The following ITGB8 variants were observed in gnomAD, a reference collection of about 807,000 sequenced individuals.
ITGB8 encodes the protein integrin subunit beta 8.
A neutral mutation model predicts 89.5 loss-of-function variants in ITGB8; 30 were observed. The ratio of observed to expected loss-of-function variants is 0.34; its 90% CI spans 0.25 to 0.45. The LOEUF (loss-of-function observed/expected upper bound fraction) is 0.45, where lower values mean the gene tolerates loss of function less well. Among genes scored for constraint, ITGB8 ranks in the 20% least tolerant of loss-of-function variants. The probability of loss-of-function intolerance (pLI) is 1.00; values close to 1 mark genes in which losing one functional copy is unlikely to be tolerated. For missense variants in ITGB8, 836 were observed against 933.3 expected, an observed-to-expected ratio of 0.90 and a Z score of 1.36; for synonymous variants, 335 against 320.4, an observed-to-expected ratio of 1.05 and a Z score of -0.49.
intron 1 of ITGB8, among the ~76,000 whole-genome samples, chr7:20,357,042 A>G (rs1312090348): frequency 6.6e-6 from 1 of 152,170 alleles, no homozygotes; most frequent in Non-Finnish European, 1.5e-5. Context: ...CCTGTTGATG[A>G]TGGATATTTA....
chr7:20,381,920 C>G, intron 6 of ITGB8, 35 bp downstream of exon 6: 2 of 1,552,190 alleles, frequency 1.3e-6, no homozygotes, highest in South Asian at 2.4e-5. Flanking sequence ...AGATATGACT[C>G]TTTTGGTTAA....
In ITGB8 at chr7:20,358,864, A is replaced by G. The variant is rs150373038; in HGVS notation, c.128-4773A>G. On this transcript the variant is annotated intron_variant, in intron 1 of 13. Coordinates refer to ENST00000222573, the MANE Select transcript of ITGB8 (RefSeq NM_002214.3). Reference sequence around the variant, plus strand: ...TTTTTCAACCCTTGCTCCCCTCCCTACTTTCACCCTCTAGTAGTTGTCAGT... The same window carrying G: ...TTTTTCAACCCTTGCTCCCCTCCCTGCTTTCACCCTCTAGTAGTTGTCAGT... 9.0e-3 allele frequency among the ~76,000 whole-genome samples: 1,373 copies of G among 152,110 alleles called. 20 individuals carry two copies. Among genetic ancestry groups the G allele is most frequent in the African/African-American group, 0.031 (1,289 of 41,488 alleles).
At chr7:20,345,512 T>C (rs1311584971) in intron 1 of ITGB8, among the ~76,000 whole-genome samples, 1 of 151,950 alleles carries the variant, frequency 6.6e-6, no homozygotes, top group Non-Finnish European at 1.5e-5. Context: ...TTAGATGGGG[T>C]AAGCCTCATG....
chr7:20,333,679 G>C (rs1227954404), intron 1 of ITGB8, among the ~76,000 whole-genome samples: 2 of 152,172 alleles, frequency 1.3e-5, no homozygotes, highest in Non-Finnish European at 2.9e-5. Context: ...GAAATATTAT[G>C]AATGGGCCTA....
chr7:20,336,000 C>CTTTTTTTTTTTTTTT (rs201113693), intron 1 of ITGB8, among the ~76,000 whole-genome samples: 1 of 96,400 alleles, frequency 1.0e-5, no homozygotes, highest in Admixed American at 1.5e-4. Flanking sequence ...TCTTGGTTTT[C>CTTTTTTTTTTTTTTT]TTTTTTTTTT....
chr7:20,329,880 T>C (rs1299131376), upstream of ITGB8: 2 of 152,138 alleles, frequency 1.3e-5, no homozygotes, highest in Non-Finnish European at 2.9e-5. Context: ...AGCGTGGTAA[T>C]GACAGGACCC....
chr7:20,344,960 G>C (rs1382111615), intron 1 of ITGB8, among the ~76,000 whole-genome samples: 1 of 152,176 alleles, frequency 6.6e-6, no homozygotes, highest in African/African-American at 2.4e-5. Flanking sequence ...CTAATGGAGA[G>C]AGACAAGACA....
At chr7:20,371,865 C>G (rs1276751465) in intron 3 of ITGB8, among the ~76,000 whole-genome samples, 1 of 152,176 alleles carries the variant, frequency 6.6e-6, no homozygotes, top group East Asian at 1.9e-4. Flanking sequence ...ATTATTCACA[C>G]AAAAAATTCG....
At chr7:20,333,162 T>A (rs779631469) in intron 1 of ITGB8, among the ~76,000 whole-genome samples, 1 of 152,208 alleles carries the variant, frequency 6.6e-6, no homozygotes, top group Non-Finnish European at 1.5e-5. Flanking sequence ...TAGAGATATA[T>A]GGAAACATCC....
intron 1 of ITGB8, chr7:20,353,403 T>C (rs1785175866): frequency 6.6e-6 from 1 of 152,174 alleles, no homozygotes; most frequent in African/African-American, 2.4e-5. Context: ...TAACTGGCAT[T>C]ACAAGAAAAT....
At chr7:20,346,810 C>T (rs1171359686) in intron 1 of ITGB8, 3 of 985,212 alleles carry the variant, frequency 3.0e-6, no homozygotes, top group Non-Finnish European at 3.6e-6. Flanking sequence ...TGTACATTGA[C>T]CATGACATAG....
intron 1 of ITGB8, among the ~76,000 whole-genome samples, chr7:20,342,142 T>C (rs758410492): frequency 2.0e-5 from 3 of 152,184 alleles, no homozygotes; most frequent in Non-Finnish European, 2.9e-5. Flanking sequence ...AACTAGATGC[T>C]TCTAGCATGA....
chr7:20,340,653 T>C (rs1372298403), intron 1 of ITGB8, among the ~76,000 whole-genome samples: 1 of 152,100 alleles, frequency 6.6e-6, no homozygotes, highest in African/African-American at 2.4e-5. Flanking sequence ...TCCTTGGAAT[T>C]GAACCACAAA....
chr7:20,380,663 C>A lies in ITGB8; in HGVS notation c.636-3C>A. ...ACTTTACACTTCTTCTTTTCCCACA[C>A]AGTGACTACAATTTAGACTGCATGC... On this transcript the variant is annotated splice_region_variant and splice_polypyrimidine_tract_variant and intron_variant, in intron 4 of 13. Transcript: ENST00000222573. 1 of 1,611,264 alleles carries A rather than the reference C, an allele frequency of 6.2e-7. No homozygotes were observed. The highest frequency in any genetic ancestry group is 1.7e-5 in the Admixed American group (1 of 59,882).
Position 20,331,649 on chromosome 7 carries a change from C to A in ITGB8, c.-158C>A. On this transcript the variant is annotated 5_prime_UTR_variant, in exon 1 of 14. Transcript: ENST00000222573. Reference sequence around the variant, plus strand: ...GCCGAGCGGTGCCCGGGCCCGCTTACCTGCACCGCTTGCTCCGAGCCGCGG... The same window carrying A: ...GCCGAGCGGTGCCCGGGCCCGCTTAACTGCACCGCTTGCTCCGAGCCGCGG... 1 of 862,802 alleles carries A rather than the reference C, an allele frequency of 1.2e-6. No individual in the cohort carries two copies. The highest frequency in any genetic ancestry group is 1.7e-6 in the Non-Finnish European group (1 of 601,988). The allele number at this position is 862,802 out of a possible 1,614,324, so 53.4% of individuals were successfully genotyped here.
rs1787857518 is a variant in ITGB8, at chr7:20,414,145, C to T, written c.*4148C>T. On this transcript the variant is annotated 3_prime_UTR_variant, in exon 14 of 14. Transcript: ENST00000222573. ...AAATTATGCTTGAATAAATATTACA[C>T]TAATCCAACTTTACCTAAATGTTTA... 1 of 152,126 alleles carries T rather than the reference C, an allele frequency of 6.6e-6. No individual in the cohort carries two copies. Among genetic ancestry groups the T allele is most frequent in the Non-Finnish European group, 1.5e-5 (1 of 67,970 alleles). 9.4% of individuals were successfully genotyped at this position (152,126 alleles called of 1,614,324 possible).
Position 20,415,112 on chromosome 7 carries a change from G to A in ITGB8, c.*5115G>A, listed in dbSNP as rs150010971. 3.9e-4 allele frequency: 60 copies of A among 152,574 alleles called. No homozygotes were observed. Among genetic ancestry groups the A allele is most frequent in the African/African-American group, 1.4e-3 (58 of 41,534 alleles). 9.5% of individuals were successfully genotyped at this position (152,574 alleles called of 1,614,324 possible). ...TGATAAGAAGTCTACGCAATGACAA[G>A]TATGGTACATAAATTTTATTAAGAA... On this transcript the variant is annotated 3_prime_UTR_variant, in exon 14 of 14. Coordinates refer to ENST00000222573, the MANE Select transcript of ITGB8 (RefSeq NM_002214.3).
rs113245073 is a variant in ITGB8 at position 20,366,963 on chromosome 7, G to A, written c.214-49G>A. 4.2e-4 allele frequency: 537 copies of A among 1,287,112 alleles called. 8 individuals carry two copies. In the African/African-American group the frequency reaches 4.6e-3, roughly 11 times the overall value. The allele number at this position is 1,287,112 out of a possible 1,614,324, so 79.7% of individuals were successfully genotyped here. Reference sequence around the variant, plus strand: ...ATTTGCTATGTCATTTTCTTTGGATGTAATTGATATACACTAAAAACATCA... The same window carrying A: ...ATTTGCTATGTCATTTTCTTTGGATATAATTGATATACACTAAAAACATCA... On this transcript the variant is annotated intron_variant, in intron 2 of 13. Transcript: ENST00000222573.
At chr7:20,383,424 T>G (rs571969800) in intron 6 of ITGB8, among the ~76,000 whole-genome samples, 37 of 152,332 alleles carry the variant, frequency 2.4e-4, no homozygotes, top group African/African-American at 8.2e-4. Flanking sequence ...CTATCTTTCC[T>G]TCTATTTAAC....
Sources: gnomAD v4.1 joint callset for allele counts (sites outside exome capture counted in the v4.1 genomes callset) on GRCh38, gnomAD v4.1.1 for gene constraint, MANE v1.5 for transcripts, NCBI Gene and HGNC (gene_info 2026-07-23, HGNC 2026-07-21) for gene names.